Variants in SPECC1 observed in about 807,000 individuals in gnomAD.
SPECC1 encodes sperm antigen with calponin homology and coiled-coil domains 1, also known as cytospin-B.
Under a neutral mutation model 104.1 loss-of-function variants are expected in SPECC1, and 62 were observed. The observed-to-expected ratio is 0.60, with a 90% CI of 0.49 to 0.74. The LOEUF (loss-of-function observed/expected upper bound fraction) is 0.74. Ranked by LOEUF, SPECC1 falls within the 30% of genes least tolerant of loss-of-function variation. The pLI, the probability that SPECC1 is intolerant of heterozygous loss-of-function variation, is 0.00. For synonymous variants in SPECC1, 513 were observed against 501.6 expected, an observed-to-expected ratio of 1.02 and a Z score of -0.30; for missense variants, 1,306 against 1,310.5, an observed-to-expected ratio of 1.00 and a Z score of 0.05.
At chr17:20,181,127 A>G (rs1331930770) in intron 3 of SPECC1, among the ~76,000 whole-genome samples, 2 of 152,152 alleles carry the variant, frequency 1.3e-5, no homozygotes, top group Non-Finnish European at 2.9e-5. Flanking sequence ...AATAAAAGAA[A>G]TAGAAGCCTT....
intron 4 of SPECC1, among the ~76,000 whole-genome samples, chr17:20,208,325 T>C (rs1242642446): frequency 1.3e-5 from 2 of 152,370 alleles, no homozygotes; most frequent in South Asian, 2.1e-4. Context: ...GATTTTGTGC[T>C]GTCTTATGTG....
chr17:20,245,653 C>T (rs1408565025), intron 7 of SPECC1, among the ~76,000 whole-genome samples: 6 of 152,158 alleles, frequency 3.9e-5, no homozygotes, highest in Non-Finnish European at 8.8e-5. Flanking sequence ...TAGCCATACA[C>T]ACTTTTTATT....
intron 4 of SPECC1, among the ~76,000 whole-genome samples, chr17:20,209,558 C>T (rs1276169640): frequency 4.2e-5 from 3 of 71,456 alleles, no homozygotes; most frequent in Non-Finnish European, 6.8e-5. Flanking sequence ...TTTTTTTCTT[C>T]TCATTTCTTT....
intron 3 of SPECC1, among the ~76,000 whole-genome samples, chr17:20,145,252 C>T (rs1201215649): frequency 1.3e-5 from 2 of 152,174 alleles, no homozygotes; most frequent in African/African-American, 2.4e-5. Context: ...AGCGTAATCT[C>T]CCTGAACCTC....
At chr17:20,162,744 G>A (rs2033279759) in intron 3 of SPECC1, among the ~76,000 whole-genome samples, 1 of 152,128 alleles carries the variant, frequency 6.6e-6, no homozygotes, top group Admixed American at 6.6e-5. Flanking sequence ...AAGTGAAGAT[G>A]TGGCTGGGTG....
chr17:20,190,549 C>G (rs964791812), intron 3 of SPECC1, among the ~76,000 whole-genome samples: 1 of 152,074 alleles, frequency 6.6e-6, no homozygotes, highest in Non-Finnish European at 1.5e-5. Flanking sequence ...ACAAGTTTTC[C>G]TATAGTGTAC....
chr17:20,044,091 A>T (rs974911972), intron 1 of SPECC1, among the ~76,000 whole-genome samples: 3 of 151,978 alleles, frequency 2.0e-5, no homozygotes, highest in African/African-American at 7.3e-5. Context: ...GAATCCAAGA[A>T]TTTTTCTAAT....
intron 3 of SPECC1, among the ~76,000 whole-genome samples, chr17:20,125,191 A>C (rs1233731383): frequency 9.3e-6 from 1 of 107,342 alleles, no homozygotes; most frequent in Admixed American, 9.6e-5. Context: ...AAAAACAAAA[A>C]CAAAAACAAA....
chr17:20,110,370 G>C, intron 2 of SPECC1, 57 bp from the exon 3 acceptor site: 3 of 1,548,904 alleles, frequency 1.9e-6, no homozygotes, highest in Non-Finnish European at 2.6e-6. Context: ...CTTGTTTATA[G>C]CGCTCCTTCC....
chr17:20,253,533 C>G lies in SPECC1; in HGVS notation c.2627C>G (p.Pro876Arg). 6.2e-7 allele frequency: 1 copy of G among 1,614,058 alleles called. No homozygotes were observed. Among genetic ancestry groups the G allele is most frequent in the Non-Finnish European group, 8.5e-7 (1 of 1,180,036 alleles). The stretch of plus-strand genomic sequence containing the variant: ...CATTCGACTTACAGCAGTGTGCGGC[C>G]AGCCAGCAGAGGGGTGACTCAACGC... Reference protein sequence around the residue: ...QRHSTYSSVRPASRGVTQRLD... With the variant: ...QRHSTYSSVRRASRGVTQRLD... Residue 876 changes from proline (P) to arginine (R), a missense_variant, in exon 10 of 15, where the codon CCA becomes CGA. Pro to Arg is a moderately radical substitution (Grantham distance 103). Around this residue, in one of 2 missense-constraint regions of SPECC1, gnomAD observed 1,177 missense variants for 1,139.9 expected, o/e 1.03. Transcript: ENST00000395527.
intron 3 of SPECC1, among the ~76,000 whole-genome samples, chr17:20,183,240 A>G (rs576430058): frequency 2.0e-5 from 3 of 152,158 alleles, no homozygotes; most frequent in Admixed American, 1.3e-4. Flanking sequence ...CAGAGAAACA[A>G]TTACTCCTAT....
intron 7 of SPECC1, among the ~76,000 whole-genome samples, chr17:20,232,878 C>T (rs1287045856): frequency 2.6e-5 from 4 of 152,116 alleles, no homozygotes; most frequent in South Asian, 2.1e-4. Context: ...CCATGAGCTA[C>T]GTCAAAAGGC....
At chr17:20,263,817 A>G (rs1448339836) in intron 12 of SPECC1, among the ~76,000 whole-genome samples, 1 of 152,194 alleles carries the variant, frequency 6.6e-6, no homozygotes, top group Non-Finnish European at 1.5e-5. Flanking sequence ...GTTGTAATGC[A>G]GGGAAGAGAC....
At chr17:20,272,981 A>C (rs1415770513) in intron 12 of SPECC1, among the ~76,000 whole-genome samples, 1 of 152,130 alleles carries the variant, frequency 6.6e-6, no homozygotes, top group African/African-American at 2.4e-5. Flanking sequence ...GCTCATGTTT[A>C]GGTGGAGGCT....
chr17:20,200,673 G>GGGCTGTTGCTCTTTGCTTTTCCGA (rs1265358177), intron 3 of SPECC1, among the ~76,000 whole-genome samples: 1 of 152,184 alleles, frequency 6.6e-6, no homozygotes, highest in Non-Finnish European at 1.5e-5. Context: ...GTAAGCTGTA[G>GGGCTGTTGCTCTTTGCTTTTCCGA]GGCTGTTGCT....
intron 2 of SPECC1, among the ~76,000 whole-genome samples, chr17:20,103,432 C>T (rs1288524080): frequency 6.6e-6 from 1 of 152,218 alleles, no homozygotes; most frequent in Admixed American, 6.5e-5. Flanking sequence ...TTCACTTTGA[C>T]ATTCATGCCA....
intron 1 of SPECC1, among the ~76,000 whole-genome samples, chr17:20,028,015 C>T (rs907283692): frequency 2.0e-5 from 3 of 152,172 alleles, no homozygotes; most frequent in African/African-American, 7.2e-5. Flanking sequence ...AAGATTTACC[C>T]GTATGTTTCC....
chr17:20,039,808 T>C (rs2045250982), intron 1 of SPECC1, among the ~76,000 whole-genome samples: 1 of 152,120 alleles, frequency 6.6e-6, no homozygotes, highest in Non-Finnish European at 1.5e-5. Context: ...CCACCCGCCT[T>C]GGCCTCCCGA....
intron 1 of SPECC1, among the ~76,000 whole-genome samples, chr17:20,052,752 A>G (rs925294938): frequency 6.6e-6 from 1 of 152,242 alleles, no homozygotes; most frequent in African/African-American, 2.4e-5. Context: ...GGAACAGGGT[A>G]GCAGATATGC....
Sources: allele counts gnomAD v4.1 joint callset (sites outside exome capture counted in the v4.1 genomes callset), GRCh38; gene constraint gnomAD v4.1.1; regional missense constraint gnomAD v4.1.1; transcripts MANE v1.5; gene names NCBI Gene and HGNC (gene_info 2026-07-23, HGNC 2026-07-21).